RBL1: variants seen among roughly 807,000 people sequenced by gnomAD.
RBL1 encodes retinoblastoma-like protein 1.
RBL1 carries 82 observed loss-of-function variants against 123.0 expected under a neutral mutation model. The ratio of observed to expected loss-of-function variants is 0.67; its 90% CI spans 0.56 to 0.80. RBL1 has a LOEUF of 0.80. Ranked by LOEUF, RBL1 falls within the 30% of genes least tolerant of loss-of-function variation. The probability of loss-of-function intolerance (pLI) is 0.00; values close to 1 mark genes in which losing one functional copy is unlikely to be tolerated. For synonymous variants in RBL1, 405 were observed against 441.3 expected, an observed-to-expected ratio of 0.92 and a Z score of 1.03; for missense variants, 1,171 against 1,299.6, an observed-to-expected ratio of 0.90 and a Z score of 1.52.
In RBL1 at chr20:37,066,705, CTAATTA is replaced by C; in HGVS notation, c.846+13_846+18del. 6.3e-7 allele frequency: 1 copy of C among 1,591,522 alleles called. No homozygotes were observed. Among genetic ancestry groups the C allele is most frequent in the Non-Finnish European group, 8.6e-7 (1 of 1,166,114 alleles). On this transcript the variant is annotated intron_variant, in intron 6 of 21. Coordinates refer to ENST00000373664, the MANE Select transcript of RBL1 (RefSeq NM_002895.5). ...GGTGATCTGTAAACATCTCAGTCAT[CTAATTA>C]TAAGTACAGTACCTTCCTGTCAAAG... is the stretch of plus-strand genomic sequence containing the variant.
chr20:37,087,010 G>A (rs1600610539), intron 2 of RBL1, among the ~76,000 whole-genome samples: 1 of 152,124 alleles, frequency 6.6e-6, no homozygotes, highest in East Asian at 1.9e-4. Flanking sequence ...AAGTTAATAG[G>A]AGACAAATCC....
At chr20:37,094,471 C>A (rs1321857514) in intron 1 of RBL1, among the ~76,000 whole-genome samples, 2 of 152,168 alleles carry the variant, frequency 1.3e-5, no homozygotes, top group Non-Finnish European at 2.9e-5. Flanking sequence ...TTTTCCAACT[C>A]TATGCCTTTG....
intron 18 of RBL1, 72 bp downstream of exon 18, chr20:37,020,587 A>G: frequency 9.8e-7 from 1 of 1,023,582 alleles, no homozygotes. Flanking sequence ...AAATAAGTTT[A>G]CCTTTTATAT....
Position 37,068,005 on chromosome 20 carries a change from G to T in RBL1, c.472C>A (p.Pro158Thr), listed in dbSNP as rs1345205442. The change falls in exon 3 of 22, where the codon CCA (proline) becomes ACA (threonine). Residue 158 changes from proline to threonine, a missense_variant. Coordinates refer to ENST00000373664, the MANE Select transcript of RBL1 (RefSeq NM_002895.5). Reference protein sequence around the residue: ...QNPYEEPPKLPRSRKQRRIPC... With the variant: ...QNPYEEPPKLTRSRKQRRIPC... ...GCTCACCTCTGCTTCCGGCTTCGTGGTAACTTTGGTGGTTCTTCATATGGA... is the reference window on the plus strand; with the variant it reads ...GCTCACCTCTGCTTCCGGCTTCGTGTTAACTTTGGTGGTTCTTCATATGGA... 1.2e-6 allele frequency: 2 copies of T among 1,613,372 alleles called. No individual in the cohort carries two copies. The highest frequency in any genetic ancestry group is 1.3e-5 in the African/African-American group (1 of 74,848).
At chr20:37,041,098 C>T (rs999748993) in intron 13 of RBL1, among the ~76,000 whole-genome samples, 1 of 152,110 alleles carries the variant, frequency 6.6e-6, no homozygotes. Context: ...CATCTTCTTT[C>T]CAATTCCTCC....
At chr20:37,077,364 A>G (rs1342702401) in intron 2 of RBL1, among the ~76,000 whole-genome samples, 1 of 152,230 alleles carries the variant, frequency 6.6e-6, no homozygotes, top group Admixed American at 6.5e-5. Context: ...GAAGGTGTTT[A>G]TTAGATGAAA....
intron 9 of RBL1, 93 bp from the exon 10 acceptor site, chr20:37,056,351 CTTTT>C (rs199931898): frequency 3.6e-3 from 3,509 of 962,980 alleles, no homozygotes; most frequent in East Asian, 0.011. Context: ...CCTTCTTCTT[CTTTT>C]TTTTTTTTTT....
intron 2 of RBL1, among the ~76,000 whole-genome samples, chr20:37,075,035 C>A (rs1419474822): frequency 6.6e-6 from 1 of 152,058 alleles, no homozygotes; most frequent in Non-Finnish European, 1.5e-5. Flanking sequence ...ATTATTCAAC[C>A]ATAAAAAGAA....
intron 20 of RBL1, among the ~76,000 whole-genome samples, chr20:37,005,040 CAAAAG>C (rs2146200832): frequency 6.6e-6 from 1 of 150,552 alleles, no homozygotes; most frequent in African/African-American, 2.4e-5. Flanking sequence ...GACTCTGTCT[CAAAAG>C]AAAAAAAAAA....
chr20:37,023,777 ATTT>A (rs11371156), intron 16 of RBL1, among the ~76,000 whole-genome samples: 2 of 125,502 alleles, frequency 1.6e-5, no homozygotes, highest in Non-Finnish European at 1.6e-5. Context: ...TATTCAAACT[ATTT>A]TTTTTTTTTT....
chr20:37,047,301 C>A, intron 11 of RBL1, 111 bp from the exon 12 acceptor site: 1 of 1,247,164 alleles, frequency 8.0e-7, no homozygotes. Context: ...TTATATTACA[C>A]TAGATTACTG....
intron 20 of RBL1, among the ~76,000 whole-genome samples, chr20:37,004,432 G>A (rs1411661739): frequency 1.3e-5 from 2 of 150,362 alleles, no homozygotes; most frequent in Non-Finnish European, 3.0e-5. Flanking sequence ...AAGAATTCTG[G>A]CCAGGCACAG....
At chr20:37,042,896 C>CT (rs1265541548) in intron 13 of RBL1, among the ~76,000 whole-genome samples, 1 of 94,816 alleles carries the variant, frequency 1.1e-5, no homozygotes, top group Non-Finnish European at 2.2e-5. Context: ...GAGATCTTGT[C>CT]CCCCCCCCTC....
intron 16 of RBL1, 99 bp downstream of exon 16, chr20:37,032,566 T>G: frequency 3.9e-6 from 6 of 1,527,580 alleles, no homozygotes; most frequent in Non-Finnish European, 4.4e-6. Context: ...TTTTGTGTTA[T>G]GTATATTAGA....
intron 2 of RBL1, chr20:37,082,079 G>T (rs1007184472): frequency 2.2e-6 from 1 of 453,122 alleles, no homozygotes; most frequent in Admixed American, 2.4e-5. Flanking sequence ...AGCCTGCAAG[G>T]CTGGGCCAGG....
At chr20:37,065,309 A>G (rs2065160598) in intron 7 of RBL1, 115 bp downstream of exon 7, 2 of 681,426 alleles carry the variant, frequency 2.9e-6, no homozygotes, top group South Asian at 2.4e-5. Flanking sequence ...TAAAGCAGAG[A>G]GAACTTGAAT....
chr20:37,076,027 C>T (rs950979380), intron 2 of RBL1, among the ~76,000 whole-genome samples: 2 of 152,130 alleles, frequency 1.3e-5, no homozygotes, highest in Non-Finnish European at 2.9e-5. Flanking sequence ...AGTTTTTCTC[C>T]ACTAAGGCAA....
intron 15 of RBL1, among the ~76,000 whole-genome samples, chr20:37,033,476 C>T (rs2146249074): frequency 6.6e-6 from 1 of 151,970 alleles, no homozygotes; most frequent in East Asian, 1.9e-4. Flanking sequence ...AGCTACTGTG[C>T]CCGGCTTGTA....
intron 1 of RBL1, among the ~76,000 whole-genome samples, chr20:37,092,391 G>A (rs901912677): frequency 6.6e-6 from 1 of 151,860 alleles, no homozygotes; most frequent in Non-Finnish European, 1.5e-5. Context: ...AGGCTGGAGT[G>A]CAGTGGTACA....
Sources: allele counts gnomAD v4.1 joint callset (sites outside exome capture counted in the v4.1 genomes callset), GRCh38; gene constraint gnomAD v4.1.1; transcripts MANE v1.5; gene names NCBI Gene and HGNC (gene_info 2026-07-23, HGNC 2026-07-21).